The following ZNF536 variants were observed in gnomAD, a reference collection of about 807,000 sequenced individuals.
The protein encoded by ZNF536 is zinc finger protein 536.
A neutral mutation model predicts 84.5 loss-of-function variants in ZNF536; 13 were observed. The observed-to-expected ratio is 0.15, with a 90% CI of 0.10 to 0.24. The LOEUF (loss-of-function observed/expected upper bound fraction) is 0.24, where lower values mean the gene tolerates loss of function less well. ZNF536 is among the 10% of genes least tolerant of loss of function. The probability of loss-of-function intolerance (pLI) is 1.00; values close to 1 mark genes in which losing one functional copy is unlikely to be tolerated. For synonymous variants in ZNF536, 811 were observed against 742.5 expected (o/e 1.09, Z -1.50); for missense variants, 1,536 against 1,747.5 (o/e 0.88, Z 2.16).
rs2023571153 is a variant in ZNF536 at position 30,236,948 on chromosome 19, T to C, written c.-190+8275T>C. On this transcript the variant is annotated intron_variant, in intron 1 of 5. Transcript: ENST00000585628. ...ATCTTCCAAATGCTTCCTGAAGAAC[T>C]GGTTGCATTTTGACATTCTGCTCCT... Among the ~76,000 whole-genome samples, 5 of 152,218 alleles carry C rather than the reference T, an allele frequency of 3.3e-5. 1 individual carries two copies. The South Asian group carries it at 1.0e-3, about 32-fold the overall frequency.
At chr19:30,229,530 C>T (rs1379630934) in intron 1 of ZNF536, among the ~76,000 whole-genome samples, 1 of 152,120 alleles carries the variant, frequency 6.6e-6, no homozygotes, top group Non-Finnish European at 1.5e-5. Context: ...TGGGAACTTG[C>T]CTGGGGCTGC....
intron 2 of ZNF536, among the ~76,000 whole-genome samples, chr19:30,344,747 A>T (rs2146608659): frequency 6.6e-6 from 1 of 152,180 alleles, no homozygotes; most frequent in East Asian, 1.9e-4. Context: ...GGCTCTTTGG[A>T]GACCCCTGCA....
At chr19:30,349,359 C>T (rs923247318) in intron 2 of ZNF536, among the ~76,000 whole-genome samples, 2 of 152,208 alleles carry the variant, frequency 1.3e-5, no homozygotes, top group African/African-American at 4.8e-5. Context: ...AATGTCATCC[C>T]TCCCTGCAGT....
chr19:30,387,734 G>A (rs1228593651), intron 1 of ZNF536, among the ~76,000 whole-genome samples: 2 of 152,216 alleles, frequency 1.3e-5, no homozygotes, highest in Admixed American at 6.5e-5. Flanking sequence ...GTCCCCAGGG[G>A]ACCTGGCTGG....
chr19:30,290,049 G>T (rs868336258), intron 2 of ZNF536, among the ~76,000 whole-genome samples: 1 of 152,052 alleles, frequency 6.6e-6, no homozygotes, highest in Non-Finnish European at 1.5e-5. Context: ...ATTCCAGGTC[G>T]TGGCATCCAC....
At chr19:30,306,894 A>C (rs1309059355) in intron 2 of ZNF536, among the ~76,000 whole-genome samples, 6 of 152,240 alleles carry the variant, frequency 3.9e-5, no homozygotes. Flanking sequence ...TATAGATAAA[A>C]ATATAGCCAT....
chr19:30,581,344 G>A (rs1251816599), intron 1 of ZNF536, among the ~76,000 whole-genome samples: 1 of 152,142 alleles, frequency 6.6e-6, no homozygotes, highest in African/African-American at 2.4e-5. Flanking sequence ...GGGCATGGTG[G>A]TGGGCGCCTG....
intron 3 of ZNF536, 74 bp downstream of exon 3, chr19:30,535,073 C>G: frequency 6.6e-7 from 1 of 1,510,438 alleles, no homozygotes; most frequent in Non-Finnish European, 8.9e-7. Flanking sequence ...CTTTCTGGCC[C>G]AGGTCCACAG....
intron 2 of ZNF536, among the ~76,000 whole-genome samples, chr19:30,510,859 G>A (rs1030443259): frequency 1.3e-5 from 2 of 152,134 alleles, no homozygotes; most frequent in African/African-American, 4.8e-5. Context: ...TCTTGTCCCC[G>A]ACCTGAGATG....
chr19:30,282,780 CA>C (rs932666659), intron 1 of ZNF536, among the ~76,000 whole-genome samples: 46 of 149,470 alleles, frequency 3.1e-4, no homozygotes, highest in African/African-American at 6.4e-4. Flanking sequence ...GGGAAAAAAA[CA>C]AAAAAAAATG....
At chr19:30,609,442 G>T (rs1242538233) in intron 1 of ZNF536, among the ~76,000 whole-genome samples, 1 of 152,180 alleles carries the variant, frequency 6.6e-6, no homozygotes, top group Non-Finnish European at 1.5e-5. Flanking sequence ...TGCTTCTCAA[G>T]CACTGAATGA....
chr19:30,609,895 TATCCATCC>T lies in ZNF536; in HGVS notation c.169+60420_169+60427del, dbSNP rs202076068. Reference sequence around the variant, plus strand: ...TTATCCATCCATCCATCCACCCATTTATCCATCCATCCATCCATCCATCCATCCATCCA... The same window carrying T: ...TTATCCATCCATCCATCCACCCATTTATCCATCCATCCATCCATCCATCCA... On this transcript the variant is annotated intron_variant, in intron 1 of 1. Coordinates refer to the ZNF536 transcript ENST00000592773. Among the ~76,000 whole-genome samples, 770 of 140,910 alleles carry T rather than the reference TATCCATCC, an allele frequency of 5.5e-3. 11 individuals are homozygous for T. The highest frequency in any genetic ancestry group is 0.032 in the East Asian group (146 of 4,494). 92.4% of individuals were successfully genotyped at this position (140,910 alleles called of 152,430 possible).
At chr19:30,569,734 C>T (rs1289703514) in intron 1 of ZNF536, among the ~76,000 whole-genome samples, 1 of 151,748 alleles carries the variant, frequency 6.6e-6, no homozygotes, top group Non-Finnish European at 1.5e-5. Flanking sequence ...CCACGCCTGG[C>T]TAATTTTTGT....
chr19:30,372,624 G>C (rs548665362), intron 1 of ZNF536, 68 bp downstream of exon 1: 41 of 152,166 alleles, frequency 2.7e-4, no homozygotes, highest in African/African-American at 9.6e-4. Flanking sequence ...AGTCTCCCCA[G>C]CATAGAACAC....
intron 2 of ZNF536, among the ~76,000 whole-genome samples, chr19:30,339,452 G>A (rs2047493732): frequency 6.6e-6 from 1 of 152,232 alleles, no homozygotes; most frequent in Non-Finnish European, 1.5e-5. Flanking sequence ...ATACTGCTGG[G>A]AAAGGTGTGC....
chr19:30,235,127 A>G (rs758326), intron 1 of ZNF536, among the ~76,000 whole-genome samples: 123,633 of 152,152 alleles, frequency 0.81, 50,545 homozygotes, highest in African/African-American at 0.89. Context: ...GCCAGGCACT[A>G]CATTACACAC....
intron 2 of ZNF536, among the ~76,000 whole-genome samples, chr19:30,316,832 C>T (rs1568326938): frequency 2.6e-5 from 4 of 152,194 alleles, no homozygotes; most frequent in Non-Finnish European, 5.9e-5. Context: ...CTGTGCAGGC[C>T]GTGGAATCCC....
rs2146212059 is a variant in ZNF536, at chr19:30,548,670, C to T, written c.3051C>T (p.Ala1017=). Residue 1017 remains alanine, a synonymous_variant, in exon 4 of 5, where the codon GCC becomes GCT. Coordinates refer to ENST00000355537, the MANE Select transcript of ZNF536 (RefSeq NM_014717.3). The part of the protein sequence containing the change: ...AFTTSSMELM[A]LHLQANHLGK... ...CAACGTCCTCCATGGAGCTCATGGC[C>T]CTTCATCTCCAGGCCAACCACCTGG... is the stretch of plus-strand genomic sequence containing the variant. The T allele has an allele frequency of 1.9e-6, 3 of 1,614,036 alleles. No individual in the cohort carries two copies. The highest frequency in any genetic ancestry group is 2.5e-6 in the Non-Finnish European group (3 of 1,180,030).
chr19:30,234,372 C>T (rs1453475479), intron 1 of ZNF536, among the ~76,000 whole-genome samples: 2 of 136,938 alleles, frequency 1.5e-5, no homozygotes, highest in Non-Finnish European at 1.6e-5. Context: ...CTCTATTTGT[C>T]TATTTGGGAC....
Sources: allele counts gnomAD v4.1 joint callset (sites outside exome capture counted in the v4.1 genomes callset), GRCh38; gene constraint gnomAD v4.1.1; transcripts MANE v1.5; gene names NCBI Gene and HGNC (gene_info 2026-07-23, HGNC 2026-07-21).